Variants in DACH2 observed in about 807,000 individuals in gnomAD.
DACH2 encodes dachshund homolog 2.
Under a neutral mutation model 35.8 loss-of-function variants are expected in DACH2, and 17 were observed. The observed-to-expected ratio is 0.48, with a 90% CI of 0.33 to 0.71. The LOEUF (loss-of-function observed/expected upper bound fraction) is 0.71. Ranked by LOEUF, DACH2 falls within the 30% of genes least tolerant of loss-of-function variation. The probability of loss-of-function intolerance (pLI) is 0.02; values close to 1 mark genes in which losing one functional copy is unlikely to be tolerated. For missense variants in DACH2, 469 were observed against 472.7 expected, an observed-to-expected ratio of 0.99 and a Z score of 0.07; for synonymous variants, 195 against 177.3, an observed-to-expected ratio of 1.10 and a Z score of -0.79.
chrX:86,527,224 A>T (rs1035550730), intron 3 of DACH2, among the ~76,000 whole-genome samples: 1 of 111,744 alleles, frequency 8.9e-6, no homozygotes, highest in Non-Finnish European at 1.9e-5. Flanking sequence ...TATAATTGAC[A>T]TGAAATAAAT....
At chrX:86,691,816 G>A (rs752976913) in intron 4 of DACH2, among the ~76,000 whole-genome samples, 18 of 111,770 alleles carry the variant, frequency 1.6e-4, no homozygotes, top group African/African-American at 5.5e-4. Context: ...TGCATTTGGA[G>A]GTAGACAGAC....
chrX:86,315,788 G>GACACAC (rs774427717), intron 1 of DACH2, among the ~76,000 whole-genome samples: 15 of 78,500 alleles, frequency 1.9e-4, no homozygotes, highest in Admixed American at 3.0e-4. Flanking sequence ...GAGGGTCGTG[G>GACACAC]ACACACACAC....
chrX:86,306,141 A>G (rs1457671780), intron 1 of DACH2, among the ~76,000 whole-genome samples: 1 of 112,006 alleles, frequency 8.9e-6, no homozygotes, highest in African/African-American at 3.2e-5. Flanking sequence ...AGATACCTAT[A>G]CTCCCGTCTC....
intron 1 of DACH2, among the ~76,000 whole-genome samples, chrX:86,165,981 C>A (rs1219217746): frequency 3.6e-5 from 4 of 111,742 alleles, no homozygotes; most frequent in Non-Finnish European, 7.6e-5. Context: ...AGGTTTAAGT[C>A]TTTAATCCAT....
intron 1 of DACH2, among the ~76,000 whole-genome samples, chrX:86,165,473 A>G (rs1052678266): frequency 9.0e-6 from 1 of 111,006 alleles, no homozygotes; most frequent in Non-Finnish European, 1.9e-5. Flanking sequence ...CCTTTTCTCT[A>G]CATCCTCACC....
At chrX:86,546,404 C>CTTCTTCTTCTTCTTCTTCTTCTT (rs774988785) in intron 3 of DACH2, among the ~76,000 whole-genome samples, 1 of 21,693 alleles carries the variant, frequency 4.6e-5, no homozygotes, top group East Asian at 1.5e-3. Flanking sequence ...TCTTCTTCTT[C>CTTCTTCTTCTTCTTCTTCTTCTT]CTTCTTCTTC....
At chrX:86,801,279 G>A (rs1249090927) in intron 7 of DACH2, among the ~76,000 whole-genome samples, 3 of 109,302 alleles carry the variant, frequency 2.7e-5, no homozygotes, top group African/African-American at 1.0e-4. Context: ...GAGTGCAGTG[G>A]CTATTCGTAG....
chrX:86,372,720 G>A (rs6653104), intron 1 of DACH2, among the ~76,000 whole-genome samples: 7,635 of 110,734 alleles, frequency 0.069, 630 homozygotes, highest in African/African-American at 0.24. Flanking sequence ...AGTTTGTTAC[G>A]TGGGTATATT....
chrX:86,316,098 T>G (rs1333833125), intron 1 of DACH2, among the ~76,000 whole-genome samples: 1 of 106,114 alleles, frequency 9.4e-6, no homozygotes, highest in African/African-American at 3.4e-5. Context: ...AGACTCAGTC[T>G]GTCCTGCTCT....
rs1002349915 is a variant in DACH2, at chrX:86,714,706, A to G, written c.1090A>G (p.Thr364Ala). ...TCACAGTCCACTCTCCAGAGCTGGT[A>G]CCTCTGTTATAAAGGTAAGAATCGT... Reference protein sequence around the residue: ...QIHSPLSRAGTSVIKERIPES... With the variant: ...QIHSPLSRAGASVIKERIPES... Residue 364 changes from threonine to alanine, a missense_variant, in exon 6 of 12, where the codon ACC (threonine) becomes GCC (alanine). Transcript: ENST00000373125. The G allele has an allele frequency of 2.6e-6, 3 of 1,176,076 alleles. No homozygotes were observed. Among genetic ancestry groups the G allele is most frequent in the Non-Finnish European group, 3.4e-6 (3 of 872,183 alleles).
intron 2 of DACH2, among the ~76,000 whole-genome samples, chrX:86,389,887 GA>G (rs1260640885): frequency 4.5e-5 from 5 of 111,478 alleles, no homozygotes; most frequent in Non-Finnish European, 9.4e-5. Flanking sequence ...AATGATGCTG[GA>G]AAAAAAATCT....
intron 1 of DACH2, among the ~76,000 whole-genome samples, chrX:86,198,442 T>C (rs968713179): frequency 1.2e-4 from 13 of 111,059 alleles, no homozygotes; most frequent in Non-Finnish European, 2.1e-4. Context: ...CAGAAGGAGA[T>C]TGGGACAGTT....
chrX:86,334,624 ATTTG>A (rs2035270968), intron 1 of DACH2, among the ~76,000 whole-genome samples: 1 of 111,616 alleles, frequency 9.0e-6, no homozygotes, highest in African/African-American at 3.3e-5. Flanking sequence ...TTTCTGGTAA[ATTTG>A]TTTAAGTTCT....
intron 1 of DACH2, among the ~76,000 whole-genome samples, chrX:86,280,812 TA>T (rs1340558354): frequency 5.4e-5 from 6 of 111,541 alleles, no homozygotes; most frequent in Non-Finnish European, 7.5e-5. Context: ...TAGTCTCTGA[TA>T]AAACAGACTT....
chrX:86,341,984 C>T (rs771897255), intron 1 of DACH2, among the ~76,000 whole-genome samples: 203 of 111,649 alleles, frequency 1.8e-3, no homozygotes, highest in African/African-American at 6.3e-3. Flanking sequence ...GGAATCTATC[C>T]CTGGTAAAGA....
chrX:86,508,021 C>G (rs2038349172), intron 2 of DACH2, among the ~76,000 whole-genome samples: 1 of 111,310 alleles, frequency 9.0e-6, no homozygotes, highest in Non-Finnish European at 1.9e-5. Context: ...GAGAGCATTC[C>G]TATATTGCTG....
chrX:86,372,807 A>C (rs775359978), intron 1 of DACH2, among the ~76,000 whole-genome samples: 4 of 111,034 alleles, frequency 3.6e-5, no homozygotes, highest in African/African-American at 9.8e-5. Context: ...GGAATTTTTC[A>C]GCCCTTGCTC....
At chrX:86,623,020 T>G (rs1158782991) in intron 3 of DACH2, among the ~76,000 whole-genome samples, 1 of 111,833 alleles carries the variant, frequency 8.9e-6, no homozygotes, top group Non-Finnish European at 1.9e-5. Context: ...TCTATTTTAT[T>G]AAATGGTAAA....
At chrX:86,386,981 C>T (rs1218775958) in intron 2 of DACH2, among the ~76,000 whole-genome samples, 2 of 111,468 alleles carry the variant, frequency 1.8e-5, no homozygotes, top group Non-Finnish European at 3.8e-5. Context: ...ATTCTCTCAC[C>T]ATATGAATTT....
Sources: gnomAD v4.1 joint callset for allele counts (sites outside exome capture counted in the v4.1 genomes callset) on GRCh38, gnomAD v4.1.1 for gene constraint, MANE v1.5 for transcripts, NCBI Gene and HGNC (gene_info 2026-07-23, HGNC 2026-07-21) for gene names.